Variants in CHST11 observed in about 807,000 individuals in gnomAD.
CHST11 encodes the protein C4S-1.
CHST11 carries 9 observed loss-of-function variants against 30.4 expected under a neutral mutation model. The observed-to-expected ratio is 0.30, with a 90% confidence interval of 0.18 to 0.52. CHST11 has a LOEUF of 0.52. Among genes scored for constraint, CHST11 ranks in the 20% least tolerant of loss-of-function variants. CHST11 has a pLI of 0.97. For synonymous variants in CHST11, 152 were observed against 187.8 expected (o/e 0.81, Z 1.56); for missense variants, 348 against 460.6 (o/e 0.76, Z 2.24).
chr12:104,627,173 C>G (rs935907726), intron 2 of CHST11, among the ~76,000 whole-genome samples: 1 of 152,058 alleles, frequency 6.6e-6, no homozygotes, highest in Non-Finnish European at 1.5e-5. Flanking sequence ...GGCTTGATGG[C>G]TCGTTTCTTT....
chr12:104,464,540 A>G (rs186675902), intron 1 of CHST11, among the ~76,000 whole-genome samples: 16 of 151,972 alleles, frequency 1.1e-4, no homozygotes, highest in Non-Finnish European at 1.8e-4. Context: ...GCCTTGCTCT[A>G]TTGCCCAGGT....
At chr12:104,679,667 G>C (rs534397777) in intron 2 of CHST11, among the ~76,000 whole-genome samples, 1 of 152,322 alleles carries the variant, frequency 6.6e-6, no homozygotes, top group Admixed American at 6.5e-5. Context: ...CAGCTGCAGG[G>C]ACAGCCAGCA....
intron 2 of CHST11, among the ~76,000 whole-genome samples, chr12:104,686,689 C>T (rs1472693753): frequency 6.6e-6 from 1 of 151,952 alleles, no homozygotes; most frequent in Non-Finnish European, 1.5e-5. Context: ...TTCTTGTTGC[C>T]CAGGCTGGAG....
intron 1 of CHST11, among the ~76,000 whole-genome samples, chr12:104,551,766 C>T (rs186220480): frequency 6.6e-6 from 1 of 151,990 alleles, no homozygotes; most frequent in Non-Finnish European, 1.5e-5. Context: ...CATGTGAGGC[C>T]GTACGGAAGT....
At chr12:104,755,069 A>T (rs777110539) in intron 2 of CHST11, among the ~76,000 whole-genome samples, 1 of 152,212 alleles carries the variant, frequency 6.6e-6, no homozygotes, top group South Asian at 2.1e-4. Flanking sequence ...GGTGGCTACC[A>T]TGATGCCCCT....
intron 1 of CHST11, 29 bp downstream of exon 1, chr12:104,457,558 G>T: frequency 6.7e-7 from 1 of 1,491,632 alleles, no homozygotes; most frequent in Non-Finnish European, 9.4e-7. Flanking sequence ...TGGTTTTGTT[G>T]GATATTTTCT....
intron 2 of CHST11, among the ~76,000 whole-genome samples, chr12:104,639,636 G>A (rs2039356842): frequency 6.6e-6 from 1 of 152,176 alleles, no homozygotes; most frequent in African/African-American, 2.4e-5. Context: ...AGAACATGAG[G>A]TAATTGGCAA....
intron 2 of CHST11, among the ~76,000 whole-genome samples, chr12:104,637,933 C>T (rs949584382): frequency 6.6e-6 from 1 of 152,188 alleles, no homozygotes; most frequent in African/African-American, 2.4e-5. Context: ...TGGGTCCTGC[C>T]AGGCTGGAAC....
At chr12:104,625,897 A>G (rs2039209782) in intron 2 of CHST11, among the ~76,000 whole-genome samples, 1 of 152,216 alleles carries the variant, frequency 6.6e-6, no homozygotes, top group African/African-American at 2.4e-5. Context: ...GCTCACCATG[A>G]AGGAGGAATT....
rs756226335 is a variant in CHST11, at chr12:104,759,471, G to A, written c.*1668G>A. ...TAATAATAGTTTTAATAATAGGGGA[G>A]GGTGGGATGGGGTGTGGGTAAGTTT... On this transcript the variant is annotated 3_prime_UTR_variant, in exon 3 of 3. Transcript: ENST00000303694. The A allele has an allele frequency of 6.6e-6, 1 of 152,066 alleles. No individual in the cohort carries two copies. Among genetic ancestry groups the A allele is most frequent in the Non-Finnish European group, 1.5e-5 (1 of 68,018 alleles). The allele number at this position is 152,066 out of a possible 1,614,324, so 9.4% of individuals were successfully genotyped here.
chr12:104,573,434 G>A (rs1376776347), intron 1 of CHST11, among the ~76,000 whole-genome samples: 5 of 152,166 alleles, frequency 3.3e-5, no homozygotes, highest in African/African-American at 7.2e-5. Context: ...AAAGCTGGAG[G>A]CATCACGCTA....
intron 2 of CHST11, among the ~76,000 whole-genome samples, chr12:104,638,489 G>C (rs1468925347): frequency 1.3e-5 from 2 of 152,178 alleles, no homozygotes; most frequent in Non-Finnish European, 2.9e-5. Flanking sequence ...GGAAAATGCA[G>C]TCAGCATCCA....
At chr12:104,625,360 A>T (rs1305931752) in intron 2 of CHST11, among the ~76,000 whole-genome samples, 1 of 152,152 alleles carries the variant, frequency 6.6e-6, no homozygotes, top group Non-Finnish European at 1.5e-5. Flanking sequence ...GCTGGAGTAC[A>T]ATGGCTTGGT....
At chr12:104,670,696 TAC>T (rs1210766484) in intron 2 of CHST11, among the ~76,000 whole-genome samples, 1 of 147,404 alleles carries the variant, frequency 6.8e-6, no homozygotes, top group African/African-American at 2.5e-5. Flanking sequence ...TACCCCTGCA[TAC>T]ACACACATCA....
Position 104,757,856 on chromosome 12 carries a change from G to T in CHST11, c.*53G>T. 1.3e-6 allele frequency: 2 copies of T among 1,507,564 alleles called. No homozygotes were observed. The highest frequency in any genetic ancestry group is 1.3e-5 in the South Asian group (1 of 78,166). The allele number at this position is 1,507,564 out of a possible 1,614,324, so 93.4% of individuals were successfully genotyped here. On this transcript the variant is annotated 3_prime_UTR_variant, in exon 3 of 3. Transcript: ENST00000303694. This position sits in a 1 kb window ranked among gnomAD's most constrained non-coding sequence, Gnocchi z 6.5. The stretch of plus-strand genomic sequence containing the variant: ...GCTTTTTAATTTAAGATTTTTATTT[G>T]TCAAAAGAATTATATGGATATTGGG...
At chr12:104,474,894 G>A (rs547357977) in intron 1 of CHST11, among the ~76,000 whole-genome samples, 13 of 152,190 alleles carry the variant, frequency 8.5e-5, no homozygotes, top group Non-Finnish European at 2.9e-5. Context: ...GTCCTTGGAC[G>A]GCGGTAGGGG....
intron 2 of CHST11, among the ~76,000 whole-genome samples, chr12:104,626,313 T>TA (rs2039213917): frequency 6.6e-6 from 1 of 152,226 alleles, no homozygotes. Context: ...AAAGCTTTTT[T>TA]AAAACCTCAT....
At chr12:104,590,184 GCTGT>G (rs1565998771) in intron 1 of CHST11, among the ~76,000 whole-genome samples, 2 of 152,064 alleles carry the variant, frequency 1.3e-5, no homozygotes, top group South Asian at 2.1e-4. Context: ...CTGCACGTGC[GCTGT>G]CTATGTGCGC....
chr12:104,666,847 G>A (rs2039647179), intron 2 of CHST11, among the ~76,000 whole-genome samples: 1 of 151,930 alleles, frequency 6.6e-6, no homozygotes, highest in African/African-American at 2.4e-5. Context: ...AGTACCGTGT[G>A]CGGTGGGGTC....
Sources: allele counts gnomAD v4.1 joint callset (sites outside exome capture counted in the v4.1 genomes callset), GRCh38; gene constraint gnomAD v4.1.1; non-coding constraint Gnocchi (gnomAD v3.1); transcripts MANE v1.5; gene names NCBI Gene and HGNC (gene_info 2026-07-23, HGNC 2026-07-21).